Variants in PTBP2 observed in about 807,000 individuals in gnomAD.
The protein encoded by PTBP2 is polypyrimidine tract binding protein 2.
A neutral mutation model predicts 61.4 loss-of-function variants in PTBP2; 13 were observed. The observed-to-expected ratio is 0.21, with a 90% CI of 0.14 to 0.34. The LOEUF (loss-of-function observed/expected upper bound fraction) is 0.34. Ranked by LOEUF, PTBP2 falls within the 10% of genes least tolerant of loss-of-function variation. The probability of loss-of-function intolerance (pLI) is 1.00; values close to 1 mark genes in which losing one functional copy is unlikely to be tolerated. For missense variants in PTBP2, 405 were observed against 642.6 expected (o/e 0.63, Z 4.00); for synonymous variants, 215 against 218.5 (o/e 0.98, Z 0.14).
intron 5 of PTBP2, among the ~76,000 whole-genome samples, chr1:96,774,421 A>G (rs182481106): frequency 1.3e-5 from 2 of 152,280 alleles, no homozygotes; most frequent in African/African-American, 4.8e-5. Context: ...TGATAAAATT[A>G]TTCTCAGCTA....
chr1:96,727,982 T>TTAATAA (rs969468718), intron 2 of PTBP2, among the ~76,000 whole-genome samples: 1 of 152,068 alleles, frequency 6.6e-6, no homozygotes, highest in Admixed American at 6.6e-5. Flanking sequence ...CTTTTGTTTG[T>TTAATAA]TAATAATAAT....
At chr1:96,744,571 G>A (rs976470854) in intron 2 of PTBP2, among the ~76,000 whole-genome samples, 11 of 152,172 alleles carry the variant, frequency 7.2e-5, no homozygotes, top group Non-Finnish European at 1.3e-4. Flanking sequence ...CTTAGGGATA[G>A]CTTTATTTGT....
intron 2 of PTBP2, among the ~76,000 whole-genome samples, chr1:96,743,799 T>C: frequency 6.6e-6 from 1 of 152,202 alleles, no homozygotes; most frequent in Non-Finnish European, 1.5e-5. Flanking sequence ...CATTCTTCTT[T>C]TTTTTAAATT....
At chr1:96,788,547 G>A (rs1354350803) in intron 8 of PTBP2, among the ~76,000 whole-genome samples, 1 of 151,944 alleles carries the variant, frequency 6.6e-6, no homozygotes, top group Non-Finnish European at 1.5e-5. Flanking sequence ...GATGACTTCA[G>A]CAAACTAATA....
At chr1:96,747,980 T>C (rs1654063094) in intron 2 of PTBP2, among the ~76,000 whole-genome samples, 1 of 152,190 alleles carries the variant, frequency 6.6e-6, no homozygotes, top group Non-Finnish European at 1.5e-5. Flanking sequence ...TCAGGGCTTT[T>C]GCAAGTCTTT....
At chr1:96,723,637 T>C (rs1557676958) in intron 2 of PTBP2, 43 bp downstream of exon 2, 1 of 1,509,578 alleles carries the variant, frequency 6.6e-7, no homozygotes. Context: ...TTGGATCTAT[T>C]ATCATAATTA....
chr1:96,756,602 G>A (rs1655185944), intron 3 of PTBP2, among the ~76,000 whole-genome samples: 1 of 149,842 alleles, frequency 6.7e-6, no homozygotes, highest in South Asian at 2.2e-4. Flanking sequence ...ACAGTATAAT[G>A]TTAATCAGCA....
At chr1:96,789,754 T>C (rs1659588326) in intron 8 of PTBP2, among the ~76,000 whole-genome samples, 1 of 152,094 alleles carries the variant, frequency 6.6e-6, no homozygotes, top group Non-Finnish European at 1.5e-5. Flanking sequence ...GTCATCTTGG[T>C]TCAATAGCGC....
chr1:96,733,699 C>A (rs1238339498), intron 2 of PTBP2, among the ~76,000 whole-genome samples: 1 of 152,086 alleles, frequency 6.6e-6, no homozygotes, highest in Non-Finnish European at 1.5e-5. Flanking sequence ...TCCTGAGGGT[C>A]AAATGAAGTA....
intron 7 of PTBP2, among the ~76,000 whole-genome samples, chr1:96,779,585 T>C (rs1430484226): frequency 6.6e-6 from 1 of 152,094 alleles, no homozygotes; most frequent in African/African-American, 2.4e-5. Context: ...AGCATCCAAC[T>C]ATGATATTGA....
chr1:96,743,918 G>A (rs867515948), intron 2 of PTBP2, among the ~76,000 whole-genome samples: 1 of 152,220 alleles, frequency 6.6e-6, no homozygotes, highest in Middle Eastern at 3.4e-3. Context: ...GGTGGCTAAA[G>A]CCTGTAATCC....
At chr1:96,749,276 A>G (rs1479747479) in intron 2 of PTBP2, among the ~76,000 whole-genome samples, 2 of 152,170 alleles carry the variant, frequency 1.3e-5, no homozygotes, top group Non-Finnish European at 2.9e-5. Flanking sequence ...CTGCAATCAC[A>G]AGTTTTACAG....
Position 96,801,317 on chromosome 1 carries a change from C to A in PTBP2, c.905-3483C>A, listed in dbSNP as rs193008720. Among the ~76,000 whole-genome samples, 57 of 152,024 alleles carry A rather than the reference C, an allele frequency of 3.7e-4. No homozygotes were observed. In the Middle Eastern group the frequency reaches 0.01, roughly 27 times the overall value. The stretch of plus-strand genomic sequence containing the variant: ...TTTTATTTGAAGTGAGTAAATGTAT[C>A]TTTTTAAATTCCTTAGTAATTTTTG... On this transcript the variant is annotated intron_variant, in intron 8 of 13. Coordinates refer to ENST00000674951, the MANE Select transcript of PTBP2 (RefSeq NM_021190.4).
intron 8 of PTBP2, among the ~76,000 whole-genome samples, chr1:96,803,144 A>T (rs1661191010): frequency 6.6e-6 from 1 of 152,216 alleles, no homozygotes. Flanking sequence ...GGTTGAAAAG[A>T]TCCACATTGG....
chr1:96,722,515 G>T (rs1008493558), intron 1 of PTBP2, among the ~76,000 whole-genome samples: 1 of 151,364 alleles, frequency 6.6e-6, no homozygotes, highest in Non-Finnish European at 1.5e-5. Flanking sequence ...TTTGAGTCTG[G>T]TAGTGGGGGC....
intron 3 of PTBP2, among the ~76,000 whole-genome samples, chr1:96,768,252 C>T (rs1656969757): frequency 6.6e-6 from 1 of 152,042 alleles, no homozygotes; most frequent in Non-Finnish European, 1.5e-5. Context: ...TGTTCACTCT[C>T]TGTACCCTCA....
In PTBP2 at chr1:96,804,051, A is replaced by G. The variant is rs3791009; in HGVS notation, c.905-749A>G. Among the ~76,000 whole-genome samples the G allele has an allele frequency of 4.7e-3, 714 of 152,322 alleles. 19 individuals are homozygous for G. Among genetic ancestry groups the G allele is most frequent in the Admixed American group, 0.04 (616 of 15,298 alleles). On this transcript the variant is annotated intron_variant, in intron 8 of 13. Coordinates refer to ENST00000674951, the MANE Select transcript of PTBP2 (RefSeq NM_021190.4). ...AATATGGTGACTTAAAGATAGTAGG[A>G]CAGCAATAAGACTGGAAATTAGAAC...
intron 2 of PTBP2, among the ~76,000 whole-genome samples, chr1:96,735,219 A>G (rs1287772011): frequency 6.6e-6 from 1 of 152,132 alleles, no homozygotes; most frequent in African/African-American, 2.4e-5. Flanking sequence ...TGCCTGGCCA[A>G]TAAGTGTCTC....
chr1:96,776,458 T>G (rs1265216393), intron 5 of PTBP2, among the ~76,000 whole-genome samples: 1 of 151,988 alleles, frequency 6.6e-6, no homozygotes, highest in Non-Finnish European at 1.5e-5. Context: ...TAAATGATTG[T>G]TTAGATATAT....
Sources: allele counts gnomAD v4.1 joint callset (sites outside exome capture counted in the v4.1 genomes callset), GRCh38; gene constraint gnomAD v4.1.1; transcripts MANE v1.5; gene names NCBI Gene and HGNC (gene_info 2026-07-23, HGNC 2026-07-21).